The following FAS variants were observed in gnomAD, a reference collection of about 807,000 sequenced individuals.
FAS encodes Fas cell surface death receptor.
FAS carries 5 observed loss-of-function variants against 33.2 expected under a neutral mutation model. That is an observed-to-expected ratio of 0.15 (90% confidence interval 0.08 to 0.32). The LOEUF (loss-of-function observed/expected upper bound fraction) is 0.32, where lower values mean the gene tolerates loss of function less well. FAS is among the 10% of genes least tolerant of loss of function. The probability of loss-of-function intolerance (pLI) is 1.00; values close to 1 mark genes in which losing one functional copy is unlikely to be tolerated. For missense variants in FAS, 339 were observed against 386.0 expected (o/e 0.88, Z 1.02); for synonymous variants, 131 against 130.7 (o/e 1.00, Z -0.01).
chr10:89,015,636 CTGTAAA>C lies in FAS; in HGVS notation c.*1193_*1198del, dbSNP rs1589495427. 2.0e-6 allele frequency: 1 copy of C among 498,594 alleles called. No homozygotes were observed. The highest frequency in any genetic ancestry group is 4.0e-5 in the East Asian group (1 of 25,050). 30.9% of individuals were successfully genotyped at this position (498,594 alleles called of 1,614,324 possible). A position where few individuals can be genotyped will look rare whatever the true frequency, so the allele number is the denominator to read the frequency against. Reference sequence around the variant, plus strand: ...ATTTTAAGAAATAATATTTATATTTCTGTAAATGTAAACTGTGAAGATAGTTATAAA... The same window carrying C: ...ATTTTAAGAAATAATATTTATATTTCTGTAAACTGTGAAGATAGTTATAAA... On this transcript the variant is annotated 3_prime_UTR_variant, in exon 9 of 9. Transcript: ENST00000652046.
At chr10:89,010,887 C>A in intron 6 of FAS, 72 bp downstream of exon 6, 1 of 1,558,712 alleles carries the variant, frequency 6.4e-7, no homozygotes, top group Non-Finnish European at 8.8e-7. Context: ...TTGCCTCATT[C>A]TTACCTATAA....
At chr10:88,986,212 A>G (rs773610301), upstream of FAS, among the ~76,000 whole-genome samples, 9 of 152,148 alleles carry the variant, frequency 5.9e-5, no homozygotes, top group Non-Finnish European at 1.2e-4. Context: ...CCAAATCAAC[A>G]TCTCTTGAAA....
At chr10:89,013,487 A>G (rs1333566089) in intron 8 of FAS, 120 bp downstream of exon 8, 10 of 972,838 alleles carry the variant, frequency 1.0e-5, no homozygotes, top group Non-Finnish European at 1.6e-5. Context: ...TATTTCTCAT[A>G]CAATTCTACC....
At chr10:88,996,729 T>G (rs1375069400) in intron 1 of FAS, among the ~76,000 whole-genome samples, 3 of 152,178 alleles carry the variant, frequency 2.0e-5, no homozygotes, top group African/African-American at 7.2e-5. Flanking sequence ...ATTCAAGACA[T>G]CATGTTATAT....
intron 1 of FAS, among the ~76,000 whole-genome samples, chr10:88,999,931 T>C (rs1290956057): frequency 6.6e-6 from 1 of 152,232 alleles, no homozygotes; most frequent in Non-Finnish European, 1.5e-5. Context: ...CAAACTGTAC[T>C]TACCAGTTTC....
At chr10:89,010,718 T>C in intron 5 of FAS, 35 bp from the exon 6 acceptor site, 1 of 1,613,470 alleles carries the variant, frequency 6.2e-7, no homozygotes. Context: ...AGATTGCTTA[T>C]TTTCATATAA....
At position 89,016,477 on chromosome 10, in the gene FAS, G is replaced by T; in HGVS notation, c.*2027G>T. On this transcript the variant is annotated 3_prime_UTR_variant, in exon 9 of 9. Transcript: ENST00000652046. Reference sequence around the variant, plus strand: ...CTTTGCAAGACAAGATTAAGTTAGAGAACACCCTATTCCACTTTGGTGAAC... The same window carrying T: ...CTTTGCAAGACAAGATTAAGTTAGATAACACCCTATTCCACTTTGGTGAAC... 2 of 225,154 alleles carry T rather than the reference G, an allele frequency of 8.9e-6. No homozygotes were observed. The highest frequency in any genetic ancestry group is 1.3e-4 in the East Asian group (2 of 15,524). 13.9% of individuals were successfully genotyped at this position (225,154 alleles called of 1,614,324 possible). A position where few individuals can be genotyped will look rare whatever the true frequency, so the allele number is the denominator to read the frequency against.
chr10:89,013,269 A>T, intron 7 of FAS, 74 bp from the exon 8 acceptor site: 2 of 1,431,108 alleles, frequency 1.4e-6, no homozygotes, highest in Non-Finnish European at 1.9e-6. Flanking sequence ...AGGAAAAATT[A>T]GAAGTTCACA....
intron 2 of FAS, chr10:88,974,898 C>T (rs1846528696): frequency 1.3e-5 from 2 of 152,296 alleles, no homozygotes; most frequent in South Asian, 2.1e-4. Context: ...AATGCTAGAT[C>T]ACTGTAATAC....
At position 89,012,038 on chromosome 10, in the gene FAS, G is replaced by T. The variant is rs756880278; in HGVS notation, c.608G>T (p.Arg203Ile). ...KEVQKTCRKHRKENQGSHESP... is the reference protein window; with the variant it reads ...KEVQKTCRKHIKENQGSHESP... ...GTACAGAAAACATGCAGAAAGCACA[G>T]AAAGGAAAACCAAGGTTCTCATGAA... The change falls in exon 7 of 9, where the codon AGA (arginine) becomes ATA (isoleucine). Residue 203 changes from arginine (R) to isoleucine (I), a missense_variant. By Grantham distance (97) the Arg-to-Ile change is moderately conservative. Transcript: ENST00000652046. 7 of 1,613,948 alleles carry T rather than the reference G, an allele frequency of 4.3e-6. No homozygotes were observed. The highest frequency in any genetic ancestry group is 5.9e-6 in the Non-Finnish European group (7 of 1,179,834).
chr10:88,981,068 A>C (rs554505977), intron 2 of FAS, among the ~76,000 whole-genome samples: 1 of 152,190 alleles, frequency 6.6e-6, no homozygotes, highest in African/African-American at 2.4e-5. Context: ...TGGGGAGGCC[A>C]ACTGCGAGGA....
At chr10:88,974,890 T>C in intron 2 of FAS, 1 of 152,220 alleles carries the variant, frequency 6.6e-6, no homozygotes, top group East Asian at 1.9e-4. Context: ...AAATCCTAAA[T>C]GCTAGATCAC....
chr10:88,999,987 T>C (rs1847834613), intron 1 of FAS, among the ~76,000 whole-genome samples: 1 of 152,242 alleles, frequency 6.6e-6, no homozygotes, highest in Admixed American at 6.5e-5. Flanking sequence ...ATTAAAAAGT[T>C]CTCTTTAGTG....
chr10:88,964,534 G>C (rs1163025803), intron 1 of FAS, among the ~76,000 whole-genome samples: 1 of 152,146 alleles, frequency 6.6e-6, no homozygotes, highest in Non-Finnish European at 1.5e-5. Context: ...GGCAAGCAAG[G>C]GCCTAAGGTC....
At chr10:88,998,192 G>T (rs9658708) in intron 1 of FAS, among the ~76,000 whole-genome samples, 5 of 152,118 alleles carry the variant, frequency 3.3e-5, no homozygotes, top group African/African-American at 1.2e-4. Flanking sequence ...GACCACGAGG[G>T]CAGGATCTGT....
At chr10:89,011,927 T>C in intron 6 of FAS, 72 bp from the exon 7 acceptor site, 1 of 1,267,936 alleles carries the variant, frequency 7.9e-7, no homozygotes, top group South Asian at 1.2e-5. Flanking sequence ...TTTCTCTTAG[T>C]GTGAAAGTAT....
At chr10:89,008,327 T>C (rs1201398959) in intron 3 of FAS, among the ~76,000 whole-genome samples, 2 of 152,232 alleles carry the variant, frequency 1.3e-5, no homozygotes, top group African/African-American at 4.8e-5. Context: ...GATTGAAGTA[T>C]AACAGAAGTG....
At chr10:88,964,082 T>G (rs888470626) in intron 1 of FAS, among the ~76,000 whole-genome samples, 31 of 152,184 alleles carry the variant, frequency 2.0e-4, no homozygotes, top group Middle Eastern at 3.4e-3. Context: ...ATTTGTGTAT[T>G]TTGTTATATA....
chr10:88,995,435 C>T (rs9658683), intron 1 of FAS, among the ~76,000 whole-genome samples: 3,641 of 152,218 alleles, frequency 0.024, 139 homozygotes, highest in African/African-American at 0.083. Flanking sequence ...GCCCAGTCAC[C>T]CCATCTTTAG....
Sources: allele counts gnomAD v4.1 joint callset (sites outside exome capture counted in the v4.1 genomes callset), GRCh38; gene constraint gnomAD v4.1.1; transcripts MANE v1.5; gene names NCBI Gene and HGNC (gene_info 2026-07-23, HGNC 2026-07-21).